Variants in ARHGAP35 observed in about 807,000 individuals in gnomAD.
The protein encoded by ARHGAP35 is Rho GTPase activating protein 35, also known as rho GTPase-activating protein 35.
ARHGAP35 carries 15 observed loss-of-function variants against 111.1 expected under a neutral mutation model. The observed-to-expected ratio is 0.13, with a 90% CI of 0.09 to 0.21. The LOEUF is 0.21. Among genes scored for constraint, ARHGAP35 ranks in the 10% least tolerant of loss-of-function variants. The pLI is 1.00. For synonymous variants in ARHGAP35, 643 were observed against 710.3 expected, an observed-to-expected ratio of 0.91 and a Z score of 1.51; for missense variants, 1,262 against 1,873.0, an observed-to-expected ratio of 0.67 and a Z score of 6.02.
At chr19:46,892,136 AAAAAAAAAAAAG>A (rs1345251369) in intron 1 of ARHGAP35, among the ~76,000 whole-genome samples, 1 of 149,832 alleles carries the variant, frequency 6.7e-6, no homozygotes, top group African/African-American at 2.4e-5. Flanking sequence ...AAAAAAAAAA[AAAAAAAAAAAAG>A]AAAAATTAGC....
intron 3 of ARHGAP35, 32 bp downstream of exon 3, chr19:46,937,440 T>C: frequency 6.2e-7 from 1 of 1,610,606 alleles, no homozygotes; most frequent in Middle Eastern, 1.7e-4. Context: ...AGTTTATAAC[T>C]TTCACTGTCT....
chr19:46,952,154 C>T (rs576549829), intron 3 of ARHGAP35, among the ~76,000 whole-genome samples: 2 of 152,132 alleles, frequency 1.3e-5, no homozygotes, highest in African/African-American at 4.8e-5. Context: ...CACATTGTAT[C>T]CTTGTATCAA....
intron 3 of ARHGAP35, among the ~76,000 whole-genome samples, chr19:46,970,248 A>C (rs1170636481): frequency 6.6e-6 from 1 of 152,164 alleles, no homozygotes; most frequent in Non-Finnish European, 1.5e-5. Context: ...AATATATTGC[A>C]CACAAGCTGT....
rs575426125 is a variant in ARHGAP35 at position 46,934,370 on chromosome 19, C to T, written c.3682-2894C>T. ...GAGGCACTCAGCCCCTCTTCCCCAC[C>T]CCGCCCCTCCTCCCGGAGACACAGT... On this transcript the variant is annotated intron_variant, in intron 2 of 6. Coordinates refer to ENST00000672722, the MANE Select transcript of ARHGAP35 (RefSeq NM_004491.5). Among the ~76,000 whole-genome samples, 416 of 152,256 alleles carry T rather than the reference C, an allele frequency of 2.7e-3. 2 individuals are homozygous for T. Among genetic ancestry groups the T allele is most frequent in the Non-Finnish European group, 4.3e-3 (295 of 68,010 alleles).
intron 1 of ARHGAP35, among the ~76,000 whole-genome samples, chr19:46,891,901 G>A (rs1290923631): frequency 6.6e-6 from 1 of 152,028 alleles, no homozygotes; most frequent in Non-Finnish European, 1.5e-5. Context: ...ACCACTTTGG[G>A]AAGCCGAGGC....
chr19:46,928,442 A>G (rs1304549479), intron 2 of ARHGAP35, among the ~76,000 whole-genome samples: 2 of 152,188 alleles, frequency 1.3e-5, no homozygotes, highest in East Asian at 3.8e-4. Flanking sequence ...TGAGAGAAGC[A>G]AGCAATAAGA....
chr19:46,878,946 A>G lies in ARHGAP35; in HGVS notation c.-189+17737A>G, dbSNP rs149964370. On this transcript the variant is annotated intron_variant, in intron 1 of 6. Transcript: ENST00000672722. ...AAATAAGGCAGCAGTGAAGTTTGCTACATTCATTGATTCTTCCTTTCGTGA... is the reference window on the plus strand; with the variant it reads ...AAATAAGGCAGCAGTGAAGTTTGCTGCATTCATTGATTCTTCCTTTCGTGA... 1.8e-3 allele frequency among the ~76,000 whole-genome samples: 269 copies of G among 152,314 alleles called. 1 individual carries two copies. The Middle Eastern group carries it at 0.02, about 12-fold the overall frequency.
At chr19:46,955,414 G>A (rs751773546) in intron 3 of ARHGAP35, among the ~76,000 whole-genome samples, 5 of 152,154 alleles carry the variant, frequency 3.3e-5, no homozygotes, top group South Asian at 2.1e-4. Context: ...CACCCTCTCC[G>A]TGACAGACAG....
intron 5 of ARHGAP35, among the ~76,000 whole-genome samples, chr19:46,996,065 T>C (rs1468605624): frequency 6.6e-6 from 1 of 152,176 alleles, no homozygotes; most frequent in Non-Finnish European, 1.5e-5. Context: ...GAGGTGCATA[T>C]GCAGAAGGAG....
rs1290774766 is a variant in ARHGAP35, at chr19:46,999,279, A to G, written c.4037-25A>G. ...CCACCAGCCTCGGCCATGAAAGGCA[A>G]GGCTTTGGTTTTCTCTCTCCTCAGA... On this transcript the variant is annotated intron_variant, in intron 5 of 6. Coordinates refer to ENST00000672722, the MANE Select transcript of ARHGAP35 (RefSeq NM_004491.5). The surrounding 1 kb of genome is among the most constrained non-coding windows in gnomAD (Gnocchi z 5.4). The G allele has an allele frequency of 7.8e-6, 12 of 1,531,486 alleles. No individual in the cohort carries two copies. The highest frequency in any genetic ancestry group is 9.8e-6 in the Non-Finnish European group (11 of 1,128,192). 94.9% of individuals were successfully genotyped at this position (1,531,486 alleles called of 1,614,324 possible). A position where few individuals can be genotyped will look rare whatever the true frequency, so the allele number is the denominator to read the frequency against.
At chr19:46,967,612 C>T (rs758776042) in intron 3 of ARHGAP35, among the ~76,000 whole-genome samples, 6 of 152,196 alleles carry the variant, frequency 3.9e-5, no homozygotes, top group Non-Finnish European at 7.3e-5. Flanking sequence ...TCATCTTCAC[C>T]TGCTTAAAAC....
intron 3 of ARHGAP35, among the ~76,000 whole-genome samples, chr19:46,946,122 G>A (rs2056378095): frequency 6.6e-6 from 1 of 152,238 alleles, no homozygotes; most frequent in African/African-American, 2.4e-5. Context: ...GGAATGAAAA[G>A]CTGTCTGAAG....
chr19:46,944,100 G>A (rs549834163), intron 3 of ARHGAP35, among the ~76,000 whole-genome samples: 5 of 152,134 alleles, frequency 3.3e-5, no homozygotes, highest in African/African-American at 1.2e-4. Flanking sequence ...ATTAGTTTAA[G>A]ACCAACCCTG....
At chr19:46,895,465 G>T (rs564752593) in intron 1 of ARHGAP35, among the ~76,000 whole-genome samples, 1 of 152,054 alleles carries the variant, frequency 6.6e-6, no homozygotes, top group Non-Finnish European at 1.5e-5. Flanking sequence ...GCGCCCAGCC[G>T]GGCAAAATCT....
At chr19:46,927,281 C>T (rs757791315) in intron 2 of ARHGAP35, among the ~76,000 whole-genome samples, 37 of 152,286 alleles carry the variant, frequency 2.4e-4, no homozygotes, top group Non-Finnish European at 4.0e-4. Context: ...GTGGTAGTGA[C>T]GTTAATCCAG....
intron 1 of ARHGAP35, among the ~76,000 whole-genome samples, chr19:46,906,038 TAGGTA>T (rs1172540479): frequency 6.6e-6 from 1 of 151,560 alleles, no homozygotes; most frequent in Non-Finnish European, 1.5e-5. Context: ...GATCAAAAGC[TAGGTA>T]AGGTGGCTCA....
intron 3 of ARHGAP35, among the ~76,000 whole-genome samples, chr19:46,974,598 G>A (rs946211714): frequency 1.3e-5 from 2 of 152,138 alleles, no homozygotes; most frequent in Non-Finnish European, 2.9e-5. Context: ...CCAGCACCTC[G>A]ATGTGTTTAC....
In ARHGAP35 at chr19:46,922,561, T is replaced by A. The variant is rs1020995590; in HGVS notation, c.3681+205T>A. ...TAGTTAGGACTTTGGATAGATAGTC[T>A]GAGTTGTTGTTGCCTAAAACAATAG... On this transcript the variant is annotated intron_variant, in intron 2 of 6. Coordinates refer to ENST00000672722, the MANE Select transcript of ARHGAP35 (RefSeq NM_004491.5). This position sits in a 1 kb window ranked among gnomAD's most constrained non-coding sequence, Gnocchi z 4.0. 6.6e-6 allele frequency among the ~76,000 whole-genome samples: 1 copy of A among 152,144 alleles called. No individual in the cohort carries two copies. Among genetic ancestry groups the A allele is most frequent in the Non-Finnish European group, 1.5e-5 (1 of 68,032 alleles).
At chr19:46,972,243 T>C (rs1190626150) in intron 3 of ARHGAP35, among the ~76,000 whole-genome samples, 17 of 151,756 alleles carry the variant, frequency 1.1e-4, no homozygotes, top group African/African-American at 3.4e-4. Flanking sequence ...AATCCTGACC[T>C]CAGGTGATCA....
Sources: gnomAD v4.1 joint callset for allele counts (sites outside exome capture counted in the v4.1 genomes callset) on GRCh38, gnomAD v4.1.1 for gene constraint, Gnocchi (gnomAD v3.1) non-coding constraint, MANE v1.5 for transcripts, NCBI Gene and HGNC (gene_info 2026-07-23, HGNC 2026-07-21) for gene names.